The following ADAM9 variants were observed in gnomAD, a reference collection of about 807,000 sequenced individuals.
ADAM9 encodes ADAM metallopeptidase domain 9, also known as disintegrin and metalloproteinase domain-containing protein 9.
ADAM9 carries 54 observed loss-of-function variants against 108.1 expected under a neutral mutation model. The observed-to-expected ratio is 0.50, with a 90% CI of 0.40 to 0.63. The LOEUF (loss-of-function observed/expected upper bound fraction) is 0.63. Among genes scored for constraint, ADAM9 ranks in the 20% least tolerant of loss-of-function variants. The pLI, the probability that ADAM9 is intolerant of heterozygous loss-of-function variation, is 0.00. For missense variants in ADAM9, 830 were observed against 997.7 expected, an observed-to-expected ratio of 0.83 and a Z score of 2.26; for synonymous variants, 316 against 336.0, an observed-to-expected ratio of 0.94 and a Z score of 0.65.
intron 14 of ADAM9, among the ~76,000 whole-genome samples, chr8:39,063,019 A>G (rs1006205788): frequency 6.6e-6 from 1 of 152,162 alleles, no homozygotes; most frequent in African/African-American, 2.4e-5. Flanking sequence ...AGACCTTTCT[A>G]ACTCCCTGAA....
At chr8:39,079,588 T>G (rs993326471) in intron 16 of ADAM9, among the ~76,000 whole-genome samples, 1 of 150,900 alleles carries the variant, frequency 6.6e-6, no homozygotes, top group African/African-American at 2.4e-5. Flanking sequence ...TTTTAAAATA[T>G]CATGAATTTT....
intron 16 of ADAM9, among the ~76,000 whole-genome samples, chr8:39,077,935 G>GT (rs1307958956): frequency 6.6e-6 from 1 of 152,178 alleles, no homozygotes; most frequent in Non-Finnish European, 1.5e-5. Context: ...GGCAGAAACT[G>GT]TAAGAATTCG....
chr8:39,027,871 C>T (rs1836971801), intron 11 of ADAM9, among the ~76,000 whole-genome samples: 1 of 151,674 alleles, frequency 6.6e-6, no homozygotes, highest in Non-Finnish European at 1.5e-5. Context: ...GAGTTCAAGA[C>T]CAACCTGGGC....
intron 20 of ADAM9, among the ~76,000 whole-genome samples, chr8:39,094,828 T>G (rs1839452582): frequency 6.6e-6 from 1 of 152,112 alleles, no homozygotes; most frequent in African/African-American, 2.4e-5. Context: ...AATGGTGTGT[T>G]AATTTTATTT....
chr8:39,051,520 A>G (rs1837957740), intron 12 of ADAM9, among the ~76,000 whole-genome samples: 1 of 152,212 alleles, frequency 6.6e-6, no homozygotes, highest in African/African-American at 2.4e-5. Flanking sequence ...TTCTACCTTT[A>G]TGTAACTATC....
chr8:39,045,969 A>G (rs554723541), intron 12 of ADAM9, among the ~76,000 whole-genome samples: 29 of 151,970 alleles, frequency 1.9e-4, no homozygotes, highest in Non-Finnish European at 2.6e-4. Flanking sequence ...CTGATTTTCA[A>G]TGATGTTGAG....
At chr8:39,024,674 A>G (rs1301064191) in intron 9 of ADAM9, among the ~76,000 whole-genome samples, 2 of 152,206 alleles carry the variant, frequency 1.3e-5, no homozygotes, top group African/African-American at 4.8e-5. Context: ...TATTGGGTGT[A>G]TACCCCAGAC....
chr8:39,045,366 GTGTGTA>G lies in ADAM9; in HGVS notation c.1302+3250_1302+3255del, dbSNP rs1564300885. Among the ~76,000 whole-genome samples the G allele has an allele frequency of 8.0e-4, 94 of 118,152 alleles. 10 individuals are homozygous for G. The highest frequency in any genetic ancestry group is 1.5e-3 in the African/African-American group (49 of 32,636). 77.5% of individuals were successfully genotyped at this position (118,152 alleles called of 152,430 possible). A position where few individuals can be genotyped will look rare whatever the true frequency, so the allele number is the denominator to read the frequency against. On this transcript the variant is annotated intron_variant, in intron 12 of 21. Coordinates refer to ENST00000487273, the MANE Select transcript of ADAM9 (RefSeq NM_003816.3). ...TACATGTGTGTACATACATATAGGT[GTGTGTA>G]CATACACCTATAGGTGTGTGTACAC...
intron 1 of ADAM9, among the ~76,000 whole-genome samples, 160 bp downstream of exon 1, chr8:38,997,320 C>T (rs898421610): frequency 2.2e-4 from 34 of 152,094 alleles, no homozygotes; most frequent in African/African-American, 7.2e-4. Context: ...CGGGGTCGCA[C>T]CCGAGGCGCG....
At chr8:39,077,108 T>C in intron 15 of ADAM9, 120 bp from the exon 16 acceptor site, 1 of 1,125,764 alleles carries the variant, frequency 8.9e-7, no homozygotes, top group Non-Finnish European at 1.3e-6. Flanking sequence ...TCTCATACAC[T>C]TTCTCTGTTG....
intron 11 of ADAM9, among the ~76,000 whole-genome samples, chr8:39,033,119 C>T (rs1218105262): frequency 1.3e-5 from 2 of 152,078 alleles, no homozygotes; most frequent in African/African-American, 2.4e-5. Context: ...TATAGTTTCC[C>T]CATAGAGATC....
intron 20 of ADAM9, among the ~76,000 whole-genome samples, chr8:39,101,141 T>C (rs1034659690): frequency 6.6e-6 from 1 of 152,236 alleles, no homozygotes; most frequent in Non-Finnish European, 1.5e-5. Context: ...CTTAGTACTT[T>C]GGTATTACTG....
rs752156555 is a variant in ADAM9 at position 39,077,320 on chromosome 8, G to A, written c.1790G>A (p.Gly597Asp). The A allele has an allele frequency of 2.5e-6, 4 of 1,613,990 alleles. No homozygotes were observed. The South Asian group carries it at 4.4e-5, about 18-fold the overall frequency. ...GCTATTATTCAAACGCCTAGTCGAG[G>A]CACCAAATGTTGGGGTGTGGATTTC... Reference protein sequence around the residue: ...VPAIIQTPSRGTKCWGVDFQL... With the variant: ...VPAIIQTPSRDTKCWGVDFQL... The change falls in exon 16 of 22, where the codon GGC becomes GAC. Residue 597 changes from glycine to aspartate, a missense_variant. Transcript: ENST00000487273.
intron 11 of ADAM9, among the ~76,000 whole-genome samples, chr8:39,027,097 T>C (rs1194784035): frequency 6.6e-6 from 1 of 152,180 alleles, no homozygotes; most frequent in Non-Finnish European, 1.5e-5. Flanking sequence ...GGCACAAGTA[T>C]GTAACTACAC....
At chr8:39,018,688 G>C in intron 6 of ADAM9, 165 bp from the exon 7 acceptor site, 2 of 686,564 alleles carry the variant, frequency 2.9e-6, no homozygotes, top group Non-Finnish European at 5.1e-6. Context: ...CTAAGAAGCA[G>C]ATAACACTTC....
At chr8:39,095,146 C>T (rs1217877101) in intron 20 of ADAM9, among the ~76,000 whole-genome samples, 3 of 152,046 alleles carry the variant, frequency 2.0e-5, no homozygotes, top group African/African-American at 7.3e-5. Context: ...TTTCTTGGTA[C>T]ACATTGGGGA....
chr8:39,029,209 C>G (rs965405018), intron 11 of ADAM9, among the ~76,000 whole-genome samples: 1 of 143,260 alleles, frequency 7.0e-6, no homozygotes, highest in Non-Finnish European at 1.5e-5. Flanking sequence ...GTGAACTGTT[C>G]ATTACTGGAT....
At position 39,022,814 on chromosome 8, in the gene ADAM9, A is replaced by C. The variant is rs796588088; in HGVS notation, c.745-342A>C. 2.2e-4 allele frequency among the ~76,000 whole-genome samples: 34 copies of C among 152,126 alleles called. 1 individual carries two copies. The highest frequency in any genetic ancestry group is 8.2e-4 in the African/African-American group (34 of 41,508). On this transcript the variant is annotated intron_variant, in intron 8 of 21. Transcript: ENST00000487273. ...CTGCAGACTCTGCCTCCCAGGTTCA[A>C]GCGATTCTCCTGCCTCAGCCTCCCA...
intron 1 of ADAM9, among the ~76,000 whole-genome samples, chr8:39,000,585 C>G (rs1835963776): frequency 6.6e-6 from 1 of 151,978 alleles, no homozygotes; most frequent in African/African-American, 2.4e-5. Flanking sequence ...CCTAAGCCTC[C>G]TGAGTAGCTG....
Sources: allele counts gnomAD v4.1 joint callset (sites outside exome capture counted in the v4.1 genomes callset), GRCh38; gene constraint gnomAD v4.1.1; transcripts MANE v1.5; gene names NCBI Gene and HGNC (gene_info 2026-07-23, HGNC 2026-07-21).